The following DPYD variants were observed in gnomAD, a reference collection of about 807,000 sequenced individuals.
DPYD encodes the protein dihydropyrimidine dehydrogenase.
A neutral mutation model predicts 116.2 loss-of-function variants in DPYD; 109 were observed. That is an observed-to-expected ratio of 0.94 (90% confidence interval 0.80 to 1.10). DPYD has a LOEUF of 1.10. Ranked by LOEUF, DPYD falls within the 50% of genes least tolerant of loss-of-function variation. The probability of loss-of-function intolerance (pLI) is 0.00; values close to 1 mark genes in which losing one functional copy is unlikely to be tolerated. For synonymous variants in DPYD, 440 were observed against 432.0 expected, an observed-to-expected ratio of 1.02 and a Z score of -0.23; for missense variants, 1,302 against 1,254.5, an observed-to-expected ratio of 1.04 and a Z score of -0.57.
chr1:97,754,307 A>T (rs974239946), intron 3 of DPYD, among the ~76,000 whole-genome samples: 8 of 152,206 alleles, frequency 5.3e-5, no homozygotes, highest in African/African-American at 1.9e-4. Context: ...ATAATATCTT[A>T]AATAACATCA....
chr1:97,206,182 G>A (rs1377234535), intron 19 of DPYD, among the ~76,000 whole-genome samples: 1 of 151,762 alleles, frequency 6.6e-6, no homozygotes, highest in Non-Finnish European at 1.5e-5. Context: ...AAACTCAAAG[G>A]GGACAGGGGA....
At chr1:97,185,746 A>C (rs537309298) in intron 20 of DPYD, among the ~76,000 whole-genome samples, 1 of 152,176 alleles carries the variant, frequency 6.6e-6, no homozygotes, top group Non-Finnish European at 1.5e-5. Context: ...CATTTATGTG[A>C]ATGCTAAAAA....
chr1:97,088,265 C>T (rs557817380), intron 21 of DPYD, among the ~76,000 whole-genome samples: 148 of 152,300 alleles, frequency 9.7e-4, no homozygotes, highest in African/African-American at 3.4e-3. Flanking sequence ...TTTCTAAGCT[C>T]AGACTTCCTT....
chr1:97,492,437 T>C (rs930827118), intron 13 of DPYD, among the ~76,000 whole-genome samples: 2 of 152,126 alleles, frequency 1.3e-5, no homozygotes, highest in Non-Finnish European at 2.9e-5. Context: ...CTACTCCCTA[T>C]TCACATAACA....
intron 1 of DPYD, among the ~76,000 whole-genome samples, chr1:97,889,655 A>C (rs1364349018): frequency 6.6e-6 from 1 of 152,104 alleles, no homozygotes; most frequent in Non-Finnish European, 1.5e-5. Context: ...AAACAATACT[A>C]ATTAAAGACT....
chr1:97,194,129 C>T, intron 19 of DPYD, among the ~76,000 whole-genome samples: 1 of 130,750 alleles, frequency 7.6e-6, no homozygotes, highest in South Asian at 3.4e-4. Flanking sequence ...CTGCTCTCCA[C>T]AAATATAAGA....
intron 20 of DPYD, among the ~76,000 whole-genome samples, chr1:97,138,903 GTCACA>G (rs1370881927): frequency 6.6e-6 from 1 of 152,090 alleles, no homozygotes; most frequent in African/African-American, 2.4e-5. Context: ...ACTGATTCCA[GTCACA>G]TGACTGACTT....
intron 3 of DPYD, among the ~76,000 whole-genome samples, chr1:97,757,702 A>T (rs887992321): frequency 1.3e-5 from 2 of 152,146 alleles, no homozygotes; most frequent in African/African-American, 4.8e-5. Flanking sequence ...CTTAAAAATA[A>T]TGTAGACAGC....
chr1:97,131,658 C>T (rs148509212), intron 20 of DPYD, among the ~76,000 whole-genome samples: 170 of 152,158 alleles, frequency 1.1e-3, no homozygotes, highest in Non-Finnish European at 1.8e-3. Flanking sequence ...TGAGCACAAA[C>T]GTCAGTCTTC....
At chr1:97,619,254 T>TTTA (rs1656489359) in intron 8 of DPYD, among the ~76,000 whole-genome samples, 1 of 152,230 alleles carries the variant, frequency 6.6e-6, no homozygotes, top group African/African-American at 2.4e-5. Context: ...AGATGCCTAA[T>TTTA]AACATTATTT....
intron 2 of DPYD, chr1:97,856,531 T>A (rs990287858): frequency 7.9e-5 from 12 of 152,184 alleles, no homozygotes; most frequent in African/African-American, 2.9e-4. Flanking sequence ...GAAAACAAAA[T>A]GCCTGCACAT....
At chr1:97,850,278 C>CT (rs1304881282) in intron 2 of DPYD, among the ~76,000 whole-genome samples, 1 of 152,134 alleles carries the variant, frequency 6.6e-6, no homozygotes, top group African/African-American at 2.4e-5. Flanking sequence ...ATGATTACAG[C>CT]TGGTATAGAA....
At chr1:97,710,862 G>A (rs973221156) in intron 5 of DPYD, among the ~76,000 whole-genome samples, 2 of 151,722 alleles carry the variant, frequency 1.3e-5, no homozygotes, top group African/African-American at 4.8e-5. Flanking sequence ...CAGAGTATTT[G>A]AGAAGGTAAA....
intron 3 of DPYD, among the ~76,000 whole-genome samples, chr1:97,808,901 A>C (rs1282452425): frequency 6.6e-6 from 1 of 152,060 alleles, no homozygotes; most frequent in Non-Finnish European, 1.5e-5. Context: ...GTTTAATTTC[A>C]TTGTTCAGTT....
chr1:97,132,992 T>G (rs1016323426), intron 20 of DPYD, among the ~76,000 whole-genome samples: 2 of 152,066 alleles, frequency 1.3e-5, no homozygotes, highest in Non-Finnish European at 2.9e-5. Context: ...TTTTTTTTGC[T>G]CCGTTGGTAT....
intron 8 of DPYD, among the ~76,000 whole-genome samples, chr1:97,673,972 G>C (rs778757572): frequency 3.9e-5 from 6 of 152,184 alleles, no homozygotes; most frequent in Non-Finnish European, 7.3e-5. Flanking sequence ...AGTGACTAGA[G>C]ACATAGCTGT....
intron 12 of DPYD, chr1:97,545,851 G>A: frequency 9.0e-7 from 1 of 1,107,810 alleles, no homozygotes; most frequent in Non-Finnish European, 1.4e-6. Flanking sequence ...CCCTTACATT[G>A]AAGAGGACAA....
intron 11 of DPYD, among the ~76,000 whole-genome samples, chr1:97,568,057 T>C (rs1218671020): frequency 6.6e-6 from 1 of 152,068 alleles, no homozygotes; most frequent in Non-Finnish European, 1.5e-5. Context: ...AACATTAGAA[T>C]TGATAATAGT....
intron 2 of DPYD, among the ~76,000 whole-genome samples, chr1:97,847,677 G>C (rs934669619): frequency 6.6e-6 from 1 of 152,130 alleles, no homozygotes; most frequent in African/African-American, 2.4e-5. Flanking sequence ...AAAATATAGT[G>C]TATGACATTA....
Sources: allele counts gnomAD v4.1 joint callset (sites outside exome capture counted in the v4.1 genomes callset), GRCh38; gene constraint gnomAD v4.1.1; transcripts MANE v1.5; gene names NCBI Gene and HGNC (gene_info 2026-07-23, HGNC 2026-07-21).